The following NDRG4 variants were observed in gnomAD, a reference collection of about 807,000 sequenced individuals.
NDRG4 encodes the protein NDRG family member 4, also known as protein NDRG4.
In NDRG4, 38 loss-of-function variants were observed where a neutral mutation model predicts 55.8. That is an observed-to-expected ratio of 0.68 (90% CI 0.53 to 0.89). The LOEUF is 0.89. NDRG4 is among the 40% of genes least tolerant of loss of function. The pLI, the probability that NDRG4 is intolerant of heterozygous loss-of-function variation, is 0.00. For synonymous variants in NDRG4, 190 were observed against 182.7 expected, an observed-to-expected ratio of 1.04 and a Z score of -0.32; for missense variants, 455 against 468.6, an observed-to-expected ratio of 0.97 and a Z score of 0.27.
chr16:58,466,919 C>T (rs559749570), intron 1 of NDRG4, among the ~76,000 whole-genome samples: 1 of 152,312 alleles, frequency 6.6e-6, no homozygotes, highest in South Asian at 2.1e-4. Flanking sequence ...CTCTTGGGCC[C>T]CACCTGTCCT....
chr16:58,499,992 G>A (rs907255699), upstream of NDRG4: 31 of 927,036 alleles, frequency 3.3e-5, no homozygotes, highest in African/African-American at 4.4e-4. Flanking sequence ...GACTTCAGAA[G>A]CCAATTGGAG....
At position 58,509,139 on chromosome 16, in the gene NDRG4, C is replaced by T. The variant is rs2038432069; in HGVS notation, c.778-15C>T. 1.2e-6 allele frequency: 2 copies of T among 1,614,012 alleles called. No homozygotes were observed. The highest frequency in any genetic ancestry group is 1.7e-6 in the Non-Finnish European group (2 of 1,180,016). On this transcript the variant is annotated splice_polypyrimidine_tract_variant and intron_variant, in intron 11 of 14. Transcript: ENST00000570248. ...TGAGGGCCCTGCTCAGGTCACCCCA[C>T]TCTCTCCCTTGCAGATGGCAGACTC...
In NDRG4 at chr16:58,511,497, G is replaced by A; in HGVS notation, c.980G>A (p.Ser327Asn). ...ACCAGTGCCAGCTCGGTGGATGGCA[G>A]CCGCCCACAGGCCTGCACCCACTCA... ...SLTSASSVDGSRPQACTHSES... is the reference protein window; with the variant it reads ...SLTSASSVDGNRPQACTHSES... The change falls in exon 15 of 15, where the codon AGC (serine) becomes AAC (asparagine). Residue 327 changes from serine to asparagine, a missense_variant. By Grantham distance (46) the Ser-to-Asn change is conservative. Transcript: ENST00000570248. 1 of 1,612,912 alleles carries A rather than the reference G, an allele frequency of 6.2e-7. No individual in the cohort carries two copies. The highest frequency in any genetic ancestry group is 2.2e-5 in the East Asian group (1 of 44,868).
chr16:58,505,084 T>C (rs2037681952), intron 5 of NDRG4, among the ~76,000 whole-genome samples: 1 of 152,154 alleles, frequency 6.6e-6, no homozygotes, highest in South Asian at 2.1e-4. Flanking sequence ...TGTCGGTGGC[T>C]CACACCTGTA....
chr16:58,495,263 AG>A (rs2036267944), upstream of NDRG4, among the ~76,000 whole-genome samples: 2 of 152,238 alleles, frequency 1.3e-5, no homozygotes, highest in African/African-American at 4.8e-5. Context: ...AATGAAAGGC[AG>A]GTTGACTCTA....
chr16:58,503,681 GC>G (rs776050846), intron 1 of NDRG4, 116 bp from the exon 2 acceptor site: 1 of 1,547,586 alleles, frequency 6.5e-7, no homozygotes, highest in Non-Finnish European at 8.7e-7. Context: ...AGAACAGGAT[GC>G]CCCAAGTAGG....
chr16:58,464,829 G>T lies in NDRG4; in HGVS notation c.-24+1032G>T. On this transcript the variant is annotated intron_variant, in intron 1 of 15. Transcript: ENST00000258187. The surrounding 1 kb of genome is among the most constrained non-coding windows in gnomAD (Gnocchi z 4.8). ...CCCGTGGGCTTCTGGCAGGACCCGC[G>T]CCATGGACCTCTTATTTCTGCGCCC... 8.0e-7 allele frequency: 1 copy of T among 1,243,274 alleles called. No homozygotes were observed. 77.0% of individuals were successfully genotyped at this position (1,243,274 alleles called of 1,614,324 possible). A position where few individuals can be genotyped will look rare whatever the true frequency, so the allele number is the denominator to read the frequency against.
In NDRG4 at chr16:58,500,165, C is replaced by T. The variant is rs2036887366; in HGVS notation, c.-84C>T. ...ATCACAGAGCCGACCATCTCCCACT[C>T]GAGCTGCCCCCGCCCTCTGGACCCG... On this transcript the variant is annotated 5_prime_UTR_variant, in exon 1 of 15. Transcript: ENST00000570248. 6 of 1,535,586 alleles carry T rather than the reference C, an allele frequency of 3.9e-6. No homozygotes were observed. The highest frequency in any genetic ancestry group is 2.0e-5 in the Admixed American group (1 of 50,972).
At chr16:58,510,607 C>T (rs768789334) in intron 13 of NDRG4, 38 bp from the exon 14 acceptor site, 1 of 1,524,850 alleles carries the variant, frequency 6.6e-7, no homozygotes, top group Non-Finnish European at 8.8e-7. Context: ...GTGTCTCCCC[C>T]ATCCCCGCCC....
chr16:58,467,643 G>T (rs2031941164), intron 1 of NDRG4, among the ~76,000 whole-genome samples: 1 of 152,214 alleles, frequency 6.6e-6, no homozygotes, highest in Non-Finnish European at 1.5e-5. Flanking sequence ...TCAGAACCCA[G>T]CCCTGAGCCG....
intron 7 of NDRG4, 69 bp from the exon 8 acceptor site, chr16:58,506,843 C>A: frequency 6.9e-7 from 1 of 1,446,540 alleles, no homozygotes; most frequent in South Asian, 1.2e-5. Flanking sequence ...TGACATCTGC[C>A]AGCCCCCTCT....
chr16:58,486,770 T>G (rs1310674891), intron 1 of NDRG4, among the ~76,000 whole-genome samples: 1 of 151,012 alleles, frequency 6.6e-6, no homozygotes, highest in Non-Finnish European at 1.5e-5. Context: ...TATGACCCAT[T>G]CTTCCTCTGA....
rs1168834628 is a variant in NDRG4 at position 58,474,028 on chromosome 16, CTTTTTTT to C, written c.-24+10251_-24+10257del. Among the ~76,000 whole-genome samples the C allele has an allele frequency of 9.3e-3, 939 of 101,126 alleles. 8 individuals carry two copies. Among genetic ancestry groups the C allele is most frequent in the African/African-American group, 0.037 (881 of 23,932 alleles). The allele number at this position is 101,126 out of a possible 152,430, so 66.3% of individuals were successfully genotyped here. ...GTTTTTTCACTTTTCTTTTCTTTCCCTTTTTTTTTTTTTTTTTTTTTTTTTTGAGAGA... is the reference window on the plus strand; with the variant it reads ...GTTTTTTCACTTTTCTTTTCTTTCCCTTTTTTTTTTTTTTTTTTTGAGAGA... On this transcript the variant is annotated intron_variant, in intron 1 of 15. Coordinates refer to the NDRG4 transcript ENST00000258187.
intron 1 of NDRG4, among the ~76,000 whole-genome samples, chr16:58,473,056 A>C (rs908648550): frequency 6.6e-6 from 1 of 152,146 alleles, no homozygotes; most frequent in African/African-American, 2.4e-5. Flanking sequence ...ATATCTTTGA[A>C]GTGACTCCTC....
At chr16:58,507,442 CCTT>C (rs1305107486) in intron 8 of NDRG4, 6 of 366,944 alleles carry the variant, frequency 1.6e-5, no homozygotes, top group African/African-American at 1.2e-4. Context: ...CACGTGCCCT[CCTT>C]CTCATTCTTC....
chr16:58,475,263 G>A (rs139826058), intron 1 of NDRG4, among the ~76,000 whole-genome samples: 4 of 152,306 alleles, frequency 2.6e-5, no homozygotes, highest in African/African-American at 9.6e-5. Context: ...AGTGCCAGTT[G>A]CTTTTAACCT....
intron 1 of NDRG4, among the ~76,000 whole-genome samples, chr16:58,472,858 G>A (rs1031288257): frequency 1.3e-5 from 2 of 152,026 alleles, no homozygotes; most frequent in Non-Finnish European, 1.5e-5. Context: ...AAAGGCCTTC[G>A]AGACCGGGCC....
intron 1 of NDRG4, among the ~76,000 whole-genome samples, chr16:58,473,713 A>AC: frequency 6.6e-6 from 1 of 151,912 alleles, no homozygotes; most frequent in East Asian, 1.9e-4. Context: ...GACTTCAGCC[A>AC]CCTCCTGCAC....
In NDRG4 at chr16:58,464,999, C is replaced by G. The variant is rs1039146241; in HGVS notation, c.-24+1202C>G. The G allele has an allele frequency of 1.1e-4, 137 of 1,230,520 alleles. 1 individual carries two copies. The Middle Eastern group carries it at 3.2e-3, about 29-fold the overall frequency. 76.2% of individuals were successfully genotyped at this position (1,230,520 alleles called of 1,614,324 possible). ...CTTGGGGCTCCTCTGGAGAAGTGAT[C>G]AGTTGCCCTGCTGGAAACTCACATC... On this transcript the variant is annotated intron_variant, in intron 1 of 15. Coordinates refer to the NDRG4 transcript ENST00000258187. This position sits in a 1 kb window ranked among gnomAD's most constrained non-coding sequence, Gnocchi z 4.8.
Sources: gnomAD v4.1 joint callset for allele counts (sites outside exome capture counted in the v4.1 genomes callset) on GRCh38, gnomAD v4.1.1 for gene constraint, Gnocchi (gnomAD v3.1) non-coding constraint, MANE v1.5 for transcripts, NCBI Gene and HGNC (gene_info 2026-07-23, HGNC 2026-07-21) for gene names.